The following NRG1 variants were observed in gnomAD, a reference collection of about 807,000 sequenced individuals.
The protein encoded by NRG1 is neuregulin 1.
In NRG1, 18 loss-of-function variants were observed where a neutral mutation model predicts 63.8. The ratio of observed to expected loss-of-function variants is 0.28; its 90% CI spans 0.19 to 0.42. The LOEUF (loss-of-function observed/expected upper bound fraction) is 0.42, where lower values mean the gene tolerates loss of function less well. NRG1 is among the 10% of genes least tolerant of loss of function. NRG1 has a pLI of 1.00. For missense variants in NRG1, 762 were observed against 814.7 expected (o/e 0.94, Z 0.79); for synonymous variants, 302 against 301.3 (o/e 1.00, Z -0.02).
intron 1 of NRG1, among the ~76,000 whole-genome samples, chr8:32,042,296 AAAAAT>A (rs1360544010): frequency 6.6e-6 from 1 of 152,008 alleles, no homozygotes; most frequent in African/African-American, 2.4e-5. Context: ...GAAAAAATAA[AAAAAT>A]AAAAAGCTGG....
intron 1 of NRG1, among the ~76,000 whole-genome samples, chr8:31,758,250 C>T (rs904563604): frequency 2.0e-5 from 3 of 152,068 alleles, no homozygotes; most frequent in Admixed American, 6.6e-5. Context: ...TGATGTTCCC[C>T]GCTCTGTGTC....
At chr8:31,753,991 A>G (rs1179526889) in intron 1 of NRG1, among the ~76,000 whole-genome samples, 1 of 152,150 alleles carries the variant, frequency 6.6e-6, no homozygotes, top group Non-Finnish European at 1.5e-5. Context: ...TTTGTTTCTA[A>G]CAACTTAAAG....
chr8:31,873,388 G>A (rs1430920718), intron 1 of NRG1, among the ~76,000 whole-genome samples: 1 of 151,972 alleles, frequency 6.6e-6, no homozygotes, highest in African/African-American at 2.4e-5. Context: ...GTGAAACCCC[G>A]TCTCTACTAA....
intron 1 of NRG1, among the ~76,000 whole-genome samples, chr8:32,015,688 A>C (rs1199091770): frequency 6.6e-6 from 1 of 152,162 alleles, no homozygotes; most frequent in Non-Finnish European, 1.5e-5. Flanking sequence ...TAAGCATCAC[A>C]AAAAATTACA....
At chr8:32,415,203 T>C (rs1462049259) in intron 1 of NRG1, among the ~76,000 whole-genome samples, 1 of 151,240 alleles carries the variant, frequency 6.6e-6, no homozygotes, top group Admixed American at 6.6e-5. Context: ...AGGTCAGGAG[T>C]TCAAGAACAG....
intron 1 of NRG1, among the ~76,000 whole-genome samples, chr8:31,914,100 C>G (rs1438710382): frequency 6.6e-6 from 1 of 152,142 alleles, no homozygotes; most frequent in Non-Finnish European, 1.5e-5. Context: ...GAGCTCTATT[C>G]CCCAAAGAGA....
chr8:32,174,434 A>C (rs1414988057), intron 1 of NRG1, among the ~76,000 whole-genome samples: 1 of 152,186 alleles, frequency 6.6e-6, no homozygotes, highest in Non-Finnish European at 1.5e-5. Flanking sequence ...CTAGAAAAGC[A>C]AGAGCAAACA....
intron 1 of NRG1, among the ~76,000 whole-genome samples, chr8:32,245,784 T>C (rs1160236491): frequency 6.6e-6 from 1 of 152,126 alleles, no homozygotes; most frequent in Non-Finnish European, 1.5e-5. Context: ...TTGCTGAAAG[T>C]TTTCATAAGG....
At chr8:31,869,976 CAAT>C (rs1232396973) in intron 1 of NRG1, among the ~76,000 whole-genome samples, 1 of 152,068 alleles carries the variant, frequency 6.6e-6, no homozygotes, top group Non-Finnish European at 1.5e-5. Context: ...GAAAACAAAA[CAAT>C]GAGATTCAGT....
At chr8:32,532,217 G>T (rs1468584987) in intron 1 of NRG1, among the ~76,000 whole-genome samples, 1 of 152,144 alleles carries the variant, frequency 6.6e-6, no homozygotes, top group Admixed American at 6.6e-5. Flanking sequence ...CCAAAGTAAA[G>T]TTCACCAATG....
chr8:31,899,849 T>C (rs1831927642), intron 1 of NRG1, among the ~76,000 whole-genome samples: 1 of 151,386 alleles, frequency 6.6e-6, no homozygotes, highest in South Asian at 2.1e-4. Context: ...ATAAAAGAAA[T>C]AGAATGAATA....
chr8:32,702,265 C>T (rs1035320267), intron 5 of NRG1, among the ~76,000 whole-genome samples: 1 of 152,130 alleles, frequency 6.6e-6, no homozygotes, highest in Non-Finnish European at 1.5e-5. Flanking sequence ...CATGTATTTC[C>T]GTGAAAAAGC....
chr8:32,632,842 A>G (rs1305890928), intron 5 of NRG1, among the ~76,000 whole-genome samples: 1 of 152,214 alleles, frequency 6.6e-6, no homozygotes, highest in East Asian at 1.9e-4. Flanking sequence ...TCTAAAACTC[A>G]TTCTCATCCT....
At chr8:32,559,269 A>T (rs1334644412) in intron 1 of NRG1, among the ~76,000 whole-genome samples, 2 of 150,910 alleles carry the variant, frequency 1.3e-5, no homozygotes, top group South Asian at 4.2e-4. Context: ...AAAAATCACT[A>T]CTCAGACCTT....
At chr8:32,222,835 G>A (rs1230636404) in intron 1 of NRG1, among the ~76,000 whole-genome samples, 2 of 152,158 alleles carry the variant, frequency 1.3e-5, no homozygotes, top group African/African-American at 2.4e-5. Context: ...GCTGGAGAAA[G>A]TGACCAGCCA....
chr8:32,592,066 T>G (rs1172833458), intron 1 of NRG1, among the ~76,000 whole-genome samples: 3 of 150,066 alleles, frequency 2.0e-5, no homozygotes, highest in Non-Finnish European at 4.4e-5. Flanking sequence ...AAAGATCAGA[T>G]GAGAAAGGCA....
chr8:32,764,246 G>C, exon 12 of NRG1: 1 of 1,614,108 alleles, frequency 6.2e-7, no homozygotes, highest in Non-Finnish European at 8.5e-7. Context: ...CGCCTTTCCT[G>C]GGCATACAGA....
At chr8:32,649,911 A>T (rs1854622981) in intron 5 of NRG1, among the ~76,000 whole-genome samples, 1 of 152,200 alleles carries the variant, frequency 6.6e-6, no homozygotes, top group South Asian at 2.1e-4. Context: ...GCAAGTACAG[A>T]TCCTGCAAAA....
At chr8:32,741,973 ATTT>A in intron 6 of NRG1, 32 bp from the exon 7 acceptor site, 2 of 1,358,814 alleles carry the variant, frequency 1.5e-6, no homozygotes, top group Non-Finnish European at 2.0e-6. Context: ...TGTCTTTAGC[ATTT>A]TTTTTTTGCT....
Sources: allele counts gnomAD v4.1 joint callset (sites outside exome capture counted in the v4.1 genomes callset), GRCh38; gene constraint gnomAD v4.1.1; transcripts MANE v1.5; gene names NCBI Gene and HGNC (gene_info 2026-07-23, HGNC 2026-07-21).